The following NRXN1 variants were observed in gnomAD, a reference collection of about 807,000 sequenced individuals.
The protein encoded by NRXN1 is neurexin 1.
NRXN1 carries 39 observed loss-of-function variants against 150.9 expected under a neutral mutation model. The ratio of observed to expected loss-of-function variants is 0.26; its 90% CI spans 0.20 to 0.34. The LOEUF is 0.34. Among genes scored for constraint, NRXN1 ranks in the 10% least tolerant of loss-of-function variants. The pLI is 1.00. For missense variants in NRXN1, 1,815 were observed against 1,949.9 expected (o/e 0.93, Z 1.30); for synonymous variants, 924 against 757.0 (o/e 1.22, Z -3.62).
chr2:50,010,522 C>T (rs904847755), intron 21 of NRXN1, among the ~76,000 whole-genome samples: 2 of 152,096 alleles, frequency 1.3e-5, no homozygotes, highest in African/African-American at 2.4e-5. Flanking sequence ...AAATGCCCTG[C>T]TAGCCCCTTC....
chr2:50,463,692 A>G (rs2088497450), intron 17 of NRXN1, among the ~76,000 whole-genome samples: 1 of 151,820 alleles, frequency 6.6e-6, no homozygotes, highest in African/African-American at 2.4e-5. Flanking sequence ...TCTAACAAAT[A>G]CATACACAAA....
At chr2:50,461,510 AT>A (rs2088208951) in intron 17 of NRXN1, among the ~76,000 whole-genome samples, 1 of 152,038 alleles carries the variant, frequency 6.6e-6, no homozygotes, top group South Asian at 2.1e-4. Context: ...GTAACATTCT[AT>A]TCCGGACCAC....
intron 5 of NRXN1, among the ~76,000 whole-genome samples, chr2:50,765,442 C>T (rs918370249): frequency 6.6e-6 from 1 of 152,060 alleles, no homozygotes; most frequent in African/African-American, 2.4e-5. Context: ...TCTTCTCTCA[C>T]TTTTCTCTGT....
intron 22 of NRXN1, among the ~76,000 whole-genome samples, chr2:49,931,988 T>A (rs181719097): frequency 6.6e-6 from 1 of 152,308 alleles, no homozygotes; most frequent in Admixed American, 6.5e-5. Flanking sequence ...AAACTAGAAA[T>A]TTTTGGAAAA....
At chr2:50,218,694 T>G (rs1384419067) in intron 18 of NRXN1, among the ~76,000 whole-genome samples, 1 of 151,942 alleles carries the variant, frequency 6.6e-6, no homozygotes, top group Non-Finnish European at 1.5e-5. Flanking sequence ...CTTTTTTAAA[T>G]TAGAGTATCT....
At position 50,292,268 on chromosome 2, in the gene NRXN1, G is replaced by T. The variant is rs572421805; in HGVS notation, c.3365-55298C>A. ...CACTGTCCATAATTAAGTTATATTG[G>T]CAAGCCACCACACCCATTCATTTAA... On this transcript the variant is annotated intron_variant, in intron 17 of 22. Transcript: ENST00000401669. 2.6e-5 allele frequency among the ~76,000 whole-genome samples: 4 copies of T among 152,154 alleles called. No homozygotes were observed. In the East Asian group the frequency reaches 5.8e-4, roughly 22 times the overall value.
chr2:50,011,162 G>A (rs1046928175), intron 21 of NRXN1, among the ~76,000 whole-genome samples: 1 of 152,118 alleles, frequency 6.6e-6, no homozygotes, highest in African/African-American at 2.4e-5. Context: ...TATAGTTCTT[G>A]ATGATCCCTT....
intron 18 of NRXN1, among the ~76,000 whole-genome samples, chr2:50,107,118 G>A (rs571775744): frequency 3.9e-5 from 6 of 152,020 alleles, no homozygotes; most frequent in Non-Finnish European, 5.9e-5. Flanking sequence ...TTTCAACATG[G>A]AAAGGTGAGC....
intron 15 of NRXN1, among the ~76,000 whole-genome samples, chr2:50,475,898 C>T (rs1227175857): frequency 6.6e-6 from 1 of 151,542 alleles, no homozygotes; most frequent in Non-Finnish European, 1.5e-5. Context: ...GACCCATTAG[C>T]ACTAATGGGT....
At chr2:50,205,740 G>A (rs2062522360) in intron 18 of NRXN1, among the ~76,000 whole-genome samples, 1 of 151,902 alleles carries the variant, frequency 6.6e-6, no homozygotes, top group Non-Finnish European at 1.5e-5. Flanking sequence ...AATAATTGCA[G>A]TATATTCATA....
chr2:50,699,584 C>G (rs1005801430), intron 5 of NRXN1, among the ~76,000 whole-genome samples: 3 of 152,010 alleles, frequency 2.0e-5, no homozygotes, highest in African/African-American at 7.2e-5. Context: ...CAGCCTCCAA[C>G]CAAAATCCAG....
chr2:50,747,738 C>G (rs1269493507), intron 5 of NRXN1, among the ~76,000 whole-genome samples: 1 of 151,902 alleles, frequency 6.6e-6, no homozygotes, highest in Non-Finnish European at 1.5e-5. Context: ...TAATAATATC[C>G]ATCTATGTGC....
At chr2:50,410,590 T>C (rs570912647) in intron 17 of NRXN1, among the ~76,000 whole-genome samples, 9 of 152,210 alleles carry the variant, frequency 5.9e-5, no homozygotes, top group Non-Finnish European at 1.2e-4. Context: ...AATGAATGAA[T>C]GAATGAATGA....
At chr2:50,461,507 T>G (rs966938879) in intron 17 of NRXN1, among the ~76,000 whole-genome samples, 2 of 152,032 alleles carry the variant, frequency 1.3e-5, no homozygotes, top group Non-Finnish European at 2.9e-5. Flanking sequence ...ATGGTAACAT[T>G]CTATTCCGGA....
chr2:50,687,227 G>A (rs1342148996), intron 5 of NRXN1, among the ~76,000 whole-genome samples: 2 of 152,160 alleles, frequency 1.3e-5, no homozygotes, highest in Admixed American at 6.5e-5. Flanking sequence ...CTGGGAAGGA[G>A]CAATTCTGGA....
At chr2:50,186,636 A>G (rs1179413182) in intron 18 of NRXN1, among the ~76,000 whole-genome samples, 1 of 152,088 alleles carries the variant, frequency 6.6e-6, no homozygotes, top group African/African-American at 2.4e-5. Context: ...TCTTGACAGT[A>G]AGAAGCTCAG....
At chr2:50,979,704 A>G (rs751069331) in intron 2 of NRXN1, among the ~76,000 whole-genome samples, 1 of 152,072 alleles carries the variant, frequency 6.6e-6, no homozygotes, top group African/African-American at 2.4e-5. Flanking sequence ...ATGGATTCTC[A>G]CTGAACACAC....
chr2:50,966,842 A>G (rs1694185353), intron 2 of NRXN1, among the ~76,000 whole-genome samples: 1 of 151,888 alleles, frequency 6.6e-6, no homozygotes, highest in Non-Finnish European at 1.5e-5. Flanking sequence ...AATCAAACTT[A>G]TTGTTTAAAA....
chr2:51,009,760 G>A lies in NRXN1; in HGVS notation c.772+17742C>T, dbSNP rs541208941. Reference sequence around the variant, plus strand: ...CCTATTCAGCCATATCTCTTCTATGGTGACAGAGATGGATAACAACCGGAA... The same window carrying A: ...CCTATTCAGCCATATCTCTTCTATGATGACAGAGATGGATAACAACCGGAA... On this transcript the variant is annotated intron_variant, in intron 2 of 22. Coordinates refer to ENST00000401669, the MANE Select transcript of NRXN1 (RefSeq NM_001330078.2). 2.9e-4 allele frequency among the ~76,000 whole-genome samples: 44 copies of A among 151,882 alleles called. 1 individual carries two copies. The South Asian group carries it at 8.9e-3, about 31-fold the overall frequency.
Sources: gnomAD v4.1 joint callset for allele counts (sites outside exome capture counted in the v4.1 genomes callset) on GRCh38, gnomAD v4.1.1 for gene constraint, MANE v1.5 for transcripts, NCBI Gene and HGNC (gene_info 2026-07-23, HGNC 2026-07-21) for gene names.